The following MRAP2 variants were observed in gnomAD, a reference collection of about 807,000 sequenced individuals.
MRAP2 encodes melanocortin-2 receptor accessory protein 2.
In MRAP2, 20 loss-of-function variants were observed where a neutral mutation model predicts 17.4. That is an observed-to-expected ratio of 1.15 (90% CI 0.81 to 1.67). MRAP2 has a LOEUF of 1.67. MRAP2 is among the 40% of genes most tolerant of loss of function. MRAP2 has a pLI of 0.00. For missense variants in MRAP2, 238 were observed against 240.0 expected (o/e 0.99, Z 0.05); for synonymous variants, 96 against 88.4 (o/e 1.09, Z -0.48).
chr6:84,140,925 G>C, the MRAP2 span, among the ~76,000 whole-genome samples: 1 of 152,112 alleles, frequency 6.6e-6, no homozygotes, highest in Non-Finnish European at 1.5e-5. Context: ...ATTCTTCCAC[G>C]GAAAGAGGGA....
At chr6:84,059,250 A>G (rs2099492463) in intron 2 of MRAP2, among the ~76,000 whole-genome samples, 1 of 152,188 alleles carries the variant, frequency 6.6e-6, no homozygotes, top group African/African-American at 2.4e-5. Context: ...TACCAGACCC[A>G]TGCATGGATG....
At chr6:84,134,995 G>A in the MRAP2 span, among the ~76,000 whole-genome samples, 1 of 150,676 alleles carries the variant, frequency 6.6e-6, no homozygotes, top group East Asian at 1.9e-4. Context: ...AAAATCATAT[G>A]CATGCATACA....
chr6:84,066,395 G>A (rs1562882781), intron 3 of MRAP2, among the ~76,000 whole-genome samples: 1 of 152,168 alleles, frequency 6.6e-6, no homozygotes, highest in Non-Finnish European at 1.5e-5. Flanking sequence ...GAAAGAATCA[G>A]AACATGTGGA....
intron 1 of MRAP2, among the ~76,000 whole-genome samples, chr6:84,051,286 G>A (rs1484429287): frequency 6.6e-6 from 1 of 152,212 alleles, no homozygotes; most frequent in African/African-American, 2.4e-5. Flanking sequence ...ACTGGGCACG[G>A]TGACTACACC....
intron 3 of MRAP2, among the ~76,000 whole-genome samples, chr6:84,079,294 A>G (rs2099498379): frequency 6.6e-6 from 1 of 152,240 alleles, no homozygotes. Context: ...GAACCCAAGC[A>G]CAAAAGGCCA....
chr6:84,091,944 C>G (rs2099501841), downstream of MRAP2, among the ~76,000 whole-genome samples: 1 of 152,170 alleles, frequency 6.6e-6, no homozygotes, highest in East Asian at 1.9e-4. Context: ...TAGAGCAACA[C>G]AAATTTATTC....
At chr6:84,041,557 C>A (rs6942240) in intron 1 of MRAP2, among the ~76,000 whole-genome samples, 2 of 152,268 alleles carry the variant, frequency 1.3e-5, no homozygotes, top group Non-Finnish European at 2.9e-5. Flanking sequence ...GGGGGCTGTA[C>A]CCTACAAAGC....
intron 3 of MRAP2, among the ~76,000 whole-genome samples, chr6:84,088,406 C>G (rs2099501008): frequency 6.6e-6 from 1 of 152,160 alleles, no homozygotes; most frequent in Non-Finnish European, 1.5e-5. Context: ...TTAAAGGAAA[C>G]AAGGAATTAG....
the MRAP2 span, among the ~76,000 whole-genome samples, chr6:84,100,613 T>G: frequency 6.6e-6 from 1 of 152,178 alleles, no homozygotes; most frequent in Admixed American, 6.5e-5. Flanking sequence ...TCTCCCTAAA[T>G]TCCACTCATT....
chr6:84,086,678 C>T (rs2099500543), intron 3 of MRAP2, among the ~76,000 whole-genome samples: 1 of 152,038 alleles, frequency 6.6e-6, no homozygotes, highest in Non-Finnish European at 1.5e-5. Context: ...AAGGGATCAT[C>T]GGGAGGAAGC....
the MRAP2 span, among the ~76,000 whole-genome samples, chr6:84,131,153 A>C: frequency 6.6e-6 from 1 of 152,162 alleles, no homozygotes; most frequent in Non-Finnish European, 1.5e-5. Context: ...GTTTCCATGT[A>C]GTTGTGCAGT....
At chr6:84,100,378 C>T in the MRAP2 span, among the ~76,000 whole-genome samples, 1 of 152,096 alleles carries the variant, frequency 6.6e-6, no homozygotes, top group African/African-American at 2.4e-5. Flanking sequence ...ATCTTCCCAC[C>T]TCAGCCTCCT....
the MRAP2 span, among the ~76,000 whole-genome samples, chr6:84,102,658 A>G: frequency 6.6e-6 from 1 of 152,232 alleles, no homozygotes; most frequent in Admixed American, 6.5e-5. Flanking sequence ...TATGTTTGCT[A>G]TAACTTGTTA....
At chr6:84,035,765 A>G (rs1377968429) in intron 1 of MRAP2, among the ~76,000 whole-genome samples, 3 of 152,234 alleles carry the variant, frequency 2.0e-5, no homozygotes, top group Non-Finnish European at 2.9e-5. Flanking sequence ...TATGTCATCA[A>G]CATATTCTGG....
At chr6:84,033,935 G>A (rs1437568118) in intron 1 of MRAP2, 52 bp downstream of exon 1, 3 of 984,378 alleles carry the variant, frequency 3.0e-6, no homozygotes, top group Non-Finnish European at 3.6e-6. Context: ...CCGGGCGCTG[G>A]GTGCGGGGCG....
At chr6:84,119,243 T>C in the MRAP2 span, among the ~76,000 whole-genome samples, 5 of 152,376 alleles carry the variant, frequency 3.3e-5, no homozygotes, top group Non-Finnish European at 7.3e-5. Flanking sequence ...TAATAGGAAT[T>C]TCATTGAATC....
At chr6:84,039,395 G>A (rs1308970450) in intron 1 of MRAP2, among the ~76,000 whole-genome samples, 2 of 152,128 alleles carry the variant, frequency 1.3e-5, no homozygotes, top group South Asian at 2.1e-4. Context: ...TTCATGTCAG[G>A]GTACAAAGTG....
intron 3 of MRAP2, among the ~76,000 whole-genome samples, chr6:84,064,689 A>C (rs112316846): frequency 6.6e-6 from 1 of 152,020 alleles, no homozygotes; most frequent in East Asian, 1.9e-4. Flanking sequence ...GGGTTTCACC[A>C]TGTTAGCCAG....
chr6:84,097,237 T>C, the MRAP2 span, among the ~76,000 whole-genome samples: 1 of 152,114 alleles, frequency 6.6e-6, no homozygotes, highest in Non-Finnish European at 1.5e-5. Flanking sequence ...TAGGGCAGGG[T>C]GGTCTTAGTA....
Sources: allele counts gnomAD v4.1 joint callset (sites outside exome capture counted in the v4.1 genomes callset), GRCh38; gene constraint gnomAD v4.1.1; transcripts MANE v1.5; gene names NCBI Gene and HGNC (gene_info 2026-07-23, HGNC 2026-07-21).